Variants in PPP2R2C observed in about 807,000 individuals in gnomAD.
PPP2R2C encodes the protein protein phosphatase 2, regulatory subunit B, gamma.
PPP2R2C carries 10 observed loss-of-function variants against 45.3 expected under a neutral mutation model. The observed-to-expected ratio is 0.22, with a 90% CI of 0.14 to 0.37. The LOEUF (loss-of-function observed/expected upper bound fraction) is 0.37. Among genes scored for constraint, PPP2R2C ranks in the 10% least tolerant of loss-of-function variants. The pLI is 1.00. For missense variants in PPP2R2C, 308 were observed against 619.7 expected (o/e 0.50, Z 5.34); for synonymous variants, 257 against 245.4 (o/e 1.05, Z -0.44).
intron 1 of PPP2R2C, among the ~76,000 whole-genome samples, chr4:6,426,626 C>A (rs1202265219): frequency 4.6e-5 from 7 of 152,346 alleles, no homozygotes; most frequent in Admixed American, 3.3e-4. Flanking sequence ...TTATTCCTCA[C>A]CCCCTGCAGT....
chr4:6,544,855 T>C (rs76189701), intron 1 of PPP2R2C, among the ~76,000 whole-genome samples: 2,777 of 152,350 alleles, frequency 0.018, 75 homozygotes, highest in African/African-American at 0.056. Flanking sequence ...GAAAACAATG[T>C]CCCTGTCACT....
At chr4:6,430,254 A>T (rs550617122) in intron 1 of PPP2R2C, among the ~76,000 whole-genome samples, 1 of 152,222 alleles carries the variant, frequency 6.6e-6, no homozygotes, top group Non-Finnish European at 1.5e-5. Flanking sequence ...ACCCCCATGA[A>T]ACCCTAGGTA....
chr4:6,387,299 A>C (rs1024240356), intron 1 of PPP2R2C, among the ~76,000 whole-genome samples: 1 of 152,188 alleles, frequency 6.6e-6, no homozygotes, highest in Non-Finnish European at 1.5e-5. Context: ...ACCCAGGTAC[A>C]TCCTGGTCAA....
upstream of PPP2R2C, among the ~76,000 whole-genome samples, chr4:6,473,020 A>G (rs2108772297): frequency 6.6e-6 from 1 of 152,102 alleles, no homozygotes; most frequent in South Asian, 2.1e-4. Flanking sequence ...GAGGGGAAGG[A>G]CACTGTCTCC....
chr4:6,355,548 G>A (rs1380325580), intron 5 of PPP2R2C, among the ~76,000 whole-genome samples: 1 of 123,126 alleles, frequency 8.1e-6, no homozygotes, highest in Non-Finnish European at 1.6e-5. Flanking sequence ...GCCACAGAAA[G>A]CACAAAAAAA....
intron 1 of PPP2R2C, among the ~76,000 whole-genome samples, chr4:6,452,779 C>G (rs985095917): frequency 6.6e-6 from 1 of 152,238 alleles, no homozygotes; most frequent in East Asian, 1.9e-4. Flanking sequence ...CCAGCCTACC[C>G]TGAGTGTTCC....
intron 5 of PPP2R2C, among the ~76,000 whole-genome samples, chr4:6,358,645 CA>C (rs34448087): frequency 0.88 from 132,619 of 151,376 alleles, 59,405 homozygotes; most frequent in East Asian, 1. Flanking sequence ...AACAAATTTA[CA>C]AAAAAAAAAT....
intron 1 of PPP2R2C, among the ~76,000 whole-genome samples, chr4:6,405,926 T>C (rs1717769387): frequency 6.6e-6 from 1 of 152,174 alleles, no homozygotes; most frequent in Non-Finnish European, 1.5e-5. Flanking sequence ...CTCGATACTT[T>C]GTTTTGTTTC....
chr4:6,557,423 T>C (rs963437701), intron 1 of PPP2R2C, among the ~76,000 whole-genome samples: 3 of 150,708 alleles, frequency 2.0e-5, no homozygotes, highest in Non-Finnish European at 4.4e-5. Context: ...GATGATGACG[T>C]TGGACCCGGA....
At chr4:6,540,166 C>T (rs1172858734) in intron 1 of PPP2R2C, among the ~76,000 whole-genome samples, 2 of 152,186 alleles carry the variant, frequency 1.3e-5, no homozygotes, top group African/African-American at 2.4e-5. Context: ...CCATGATTTA[C>T]TTTTAAAACA....
intron 7 of PPP2R2C, among the ~76,000 whole-genome samples, chr4:6,333,273 G>A (rs531675190): frequency 2.6e-4 from 40 of 152,340 alleles, no homozygotes; most frequent in Admixed American, 2.6e-4. Flanking sequence ...CCAGCCTGAC[G>A]CTCATCTCTG....
At chr4:6,458,159 A>G (rs1721138395) in intron 1 of PPP2R2C, among the ~76,000 whole-genome samples, 1 of 152,158 alleles carries the variant, frequency 6.6e-6, no homozygotes, top group Non-Finnish European at 1.5e-5. Flanking sequence ...CATCTTTCAC[A>G]TCTCTGCTGA....
chr4:6,531,333 C>T (rs1048610010), intron 2 of PPP2R2C, among the ~76,000 whole-genome samples: 2 of 152,172 alleles, frequency 1.3e-5, no homozygotes, highest in Non-Finnish European at 2.9e-5. Context: ...GAGGAAAGGA[C>T]GTCAGAGCCA....
At chr4:6,512,092 G>A (rs796934575) in intron 2 of PPP2R2C, among the ~76,000 whole-genome samples, 1 of 43,164 alleles carries the variant, frequency 2.3e-5, no homozygotes, top group Non-Finnish European at 4.4e-5. Flanking sequence ...GATGGTGGTG[G>A]TGGTGGTGGT....
In PPP2R2C at chr4:6,472,359, G is replaced by C. The variant is rs936766819; in HGVS notation, c.-130C>G. 18 of 1,185,036 alleles carry C rather than the reference G, an allele frequency of 1.5e-5. No homozygotes were observed. Among genetic ancestry groups the C allele is most frequent in the Non-Finnish European group, 1.7e-5 (16 of 956,744 alleles). The allele number at this position is 1,185,036 out of a possible 1,614,324, so 73.4% of individuals were successfully genotyped here. Reference sequence around the variant, plus strand: ...GGCGCGGGCCGCCGGGGCCCCGAAGGGAGGGCATCGCGGCAGGGGGACGGG... The same window carrying C: ...GGCGCGGGCCGCCGGGGCCCCGAAGCGAGGGCATCGCGGCAGGGGGACGGG... On this transcript the variant is annotated 5_prime_UTR_variant, in exon 1 of 9. Transcript: ENST00000382599.
chr4:6,487,776 CA>C lies in PPP2R2C; in HGVS notation c.49+47494del, dbSNP rs564733326. Among the ~76,000 whole-genome samples, 715 of 152,120 alleles carry C rather than the reference CA, an allele frequency of 4.7e-3. 4 individuals carry two copies. Among genetic ancestry groups the C allele is most frequent in the Non-Finnish European group, 6.9e-3 (468 of 67,990 alleles). Reference sequence around the variant, plus strand: ...ATGTTCATCAAATTTGGAAATTTGCCAGCCATTATTTCTTCAGATATTTTTC... The same window carrying C: ...ATGTTCATCAAATTTGGAAATTTGCCGCCATTATTTCTTCAGATATTTTTC... On this transcript the variant is annotated intron_variant, in intron 2 of 9. Coordinates refer to the PPP2R2C transcript ENST00000506140.
intron 1 of PPP2R2C, among the ~76,000 whole-genome samples, chr4:6,441,318 C>G (rs16835101): frequency 0.51 from 77,923 of 151,854 alleles, 22,260 homozygotes; most frequent in Non-Finnish European, 0.67. Context: ...AGTGACCCTT[C>G]TAAACCCAAC....
At chr4:6,512,548 G>GTGGTGA (rs1723680520) in intron 2 of PPP2R2C, among the ~76,000 whole-genome samples, 1 of 127,530 alleles carries the variant, frequency 7.8e-6, no homozygotes, top group Non-Finnish European at 1.7e-5. Context: ...GGTGGTGATG[G>GTGGTGA]TGGTGATGGT....
chr4:6,338,476 G>C (rs1476023882), intron 6 of PPP2R2C, among the ~76,000 whole-genome samples: 1 of 152,178 alleles, frequency 6.6e-6, no homozygotes, highest in Non-Finnish European at 1.5e-5. Flanking sequence ...TGACGGACCT[G>C]TGAATCAAAG....
Sources: gnomAD v4.1 joint callset for allele counts (sites outside exome capture counted in the v4.1 genomes callset) on GRCh38, gnomAD v4.1.1 for gene constraint, MANE v1.5 for transcripts, NCBI Gene and HGNC (gene_info 2026-07-23, HGNC 2026-07-21) for gene names.